FOXO3B: variants seen among roughly 807,000 people sequenced by gnomAD.
FOXO3B encodes the protein forkhead box protein O3B.
In FOXO3B, 15 loss-of-function variants were observed where a neutral mutation model predicts 21.9. The observed-to-expected ratio is 0.68, with a 90% CI of 0.46 to 1.05. The LOEUF (loss-of-function observed/expected upper bound fraction) is 1.05, where lower values mean the gene tolerates loss of function less well. FOXO3B is among the 50% of genes least tolerant of loss of function. The pLI is 0.00. For missense variants in FOXO3B, 293 were observed against 435.5 expected, an observed-to-expected ratio of 0.67 and a Z score of 2.91; for synonymous variants, 135 against 213.6, an observed-to-expected ratio of 0.63 and a Z score of 3.21.
intron 3 of FOXO3B, 48 bp from the exon 4 acceptor site, chr17:18,673,103 C>G: frequency 6.9e-7 from 1 of 1,451,670 alleles, no homozygotes; most frequent in South Asian, 1.3e-5. Context: ...TATCCCCGGC[C>G]GGAGCCCCGT....
chr17:18,678,296 C>T (rs1185345301), intron 3 of FOXO3B, among the ~76,000 whole-genome samples: 1 of 152,104 alleles, frequency 6.6e-6, no homozygotes, highest in Non-Finnish European at 1.5e-5. Flanking sequence ...ACAGAATAGG[C>T]CATCAAAACA....
rs1220210577 is a variant in FOXO3B at position 18,670,591 on chromosome 17, G to A, written c.*1718C>T. 1.3e-5 allele frequency among the ~76,000 whole-genome samples: 2 copies of A among 152,170 alleles called. No homozygotes were observed. The highest frequency in any genetic ancestry group is 4.8e-5 in the African/African-American group (2 of 41,432). On this transcript the variant is annotated 3_prime_UTR_variant, in exon 4 of 4. Coordinates refer to ENST00000395675, the MANE Select transcript of FOXO3B (RefSeq NM_001368135.1). ...CACAGAATGGCCGAAGAGGGCTCAC[G>A]GTGTGCTCTGAACGAGGGTGGGTGG... is the stretch of plus-strand genomic sequence containing the variant.
rs1239054317 is a variant in FOXO3B at position 18,671,080 on chromosome 17, ACATGTC to A, written c.*1223_*1228del. 3.1e-6 allele frequency: 3 copies of A among 974,540 alleles called. No individual in the cohort carries two copies. The African/African-American group carries it at 4.9e-5, about 16-fold the overall frequency. The allele number at this position is 974,540 out of a possible 1,614,324, so 60.4% of individuals were successfully genotyped here. ...ATGTCACATTCCAAGCTCCCATTGA[ACATGTC>A]CAGGTCCAAGTCGCTGGGGAACTTC... On this transcript the variant is annotated 3_prime_UTR_variant, in exon 4 of 4. Transcript: ENST00000395675.
Position 18,668,458 on chromosome 17 carries a change from A to G in FOXO3B, c.*3851T>C, listed in dbSNP as rs916790084. ...TAAGACATTCTGCCTGAAATTCAAC[A>G]AACGCTAGAAAAGGAGAATAAATGA... is the stretch of plus-strand genomic sequence containing the variant. On this transcript the variant is annotated 3_prime_UTR_variant, in exon 4 of 4. Coordinates refer to ENST00000395675, the MANE Select transcript of FOXO3B (RefSeq NM_001368135.1). 1 of 152,636 alleles carries G rather than the reference A, an allele frequency of 6.6e-6. No individual in the cohort carries two copies. The highest frequency in any genetic ancestry group is 1.5e-5 in the Non-Finnish European group (1 of 68,038). 9.5% of individuals were successfully genotyped at this position (152,636 alleles called of 1,614,324 possible).
Position 18,671,459 on chromosome 17 carries a change from C to T in FOXO3B, c.*850G>A, listed in dbSNP as rs1418340731. 2.5e-6 allele frequency: 4 copies of T among 1,571,258 alleles called. No homozygotes were observed. The African/African-American group carries it at 4.1e-5, about 16-fold the overall frequency. On this transcript the variant is annotated 3_prime_UTR_variant, in exon 4 of 4. Coordinates refer to ENST00000395675, the MANE Select transcript of FOXO3B (RefSeq NM_001368135.1). ...TGCTGGCCTGAGACATCAAGGGGTC[C>T]GACTGTGTCATCATGACATCGCTGT...
At chr17:18,681,121 G>A (rs1307936440) in intron 2 of FOXO3B, among the ~76,000 whole-genome samples, 5 of 151,780 alleles carry the variant, frequency 3.3e-5, no homozygotes, top group Admixed American at 3.3e-4. Flanking sequence ...ATACTCGTTG[G>A]TTCTCACTCT....
Position 18,669,455 on chromosome 17 carries a change from G to A in FOXO3B, c.*2854C>T, listed in dbSNP as rs1567888919. The A allele has an allele frequency of 6.6e-6, 1 of 152,458 alleles. No homozygotes were observed. The highest frequency in any genetic ancestry group is 2.4e-5 in the African/African-American group (1 of 41,284). 9.4% of individuals were successfully genotyped at this position (152,458 alleles called of 1,614,324 possible). A position where few individuals can be genotyped will look rare whatever the true frequency, so the allele number is the denominator to read the frequency against. Reference sequence around the variant, plus strand: ...AGTCTTCATATATCACTTTGGAGAAGTATGCATATGCTGTGCTAATCAGAG... The same window carrying A: ...AGTCTTCATATATCACTTTGGAGAAATATGCATATGCTGTGCTAATCAGAG... On this transcript the variant is annotated 3_prime_UTR_variant, in exon 4 of 4. Coordinates refer to ENST00000395675, the MANE Select transcript of FOXO3B (RefSeq NM_001368135.1).
intron 3 of FOXO3B, among the ~76,000 whole-genome samples, 199 bp from the exon 4 acceptor site, chr17:18,673,254 A>G (rs1264084393): frequency 1.3e-5 from 2 of 152,220 alleles, no homozygotes; most frequent in Non-Finnish European, 2.9e-5. Flanking sequence ...CTGTGCTAAC[A>G]CATGACATGT....
At position 18,672,827 on chromosome 17, in the gene FOXO3B, G is replaced by T. The variant is rs903367851; in HGVS notation, c.355C>A (p.Pro119Thr). Residue 119 changes from proline (P) to threonine (T), a missense_variant, in exon 4 of 4, where the codon CCC becomes ACC. Coordinates refer to ENST00000395675, the MANE Select transcript of FOXO3B (RefSeq NM_001368135.1). This position sits in a 1 kb window ranked among gnomAD's most constrained non-coding sequence, Gnocchi z 4.2. ...PQSRPRSCTW[P>T]LQRPELQASP... is the part of the protein sequence containing the mutation. The stretch of plus-strand genomic sequence containing the variant: ...GCTTGGAGCTCCGGCCTTTGCAGGG[G>T]CCACGTACAGGATCGCGGACGGCTC... 3.2e-6 allele frequency: 5 copies of T among 1,560,124 alleles called. No homozygotes were observed. In the African/African-American group the frequency reaches 5.5e-5, roughly 17 times the overall value.
At chr17:18,677,600 C>A (rs986473754) in intron 3 of FOXO3B, 1 of 1,605,278 alleles carries the variant, frequency 6.2e-7, no homozygotes, top group African/African-American at 1.4e-5. Flanking sequence ...CCGGGCGGGC[C>A]CTGGCCAGTG....
Position 18,672,915 on chromosome 17 carries a change from T to C in FOXO3B, c.267A>G (p.Ala89=). 1 of 1,545,908 alleles carries C rather than the reference T, an allele frequency of 6.5e-7. No individual in the cohort carries two copies. Among genetic ancestry groups the C allele is most frequent in the Non-Finnish European group, 8.7e-7 (1 of 1,147,142 alleles). ...GAGAAAGCGGGGCCGGGGAAGCCGG[T>C]GCCTCTGCCATCTTCGCCGCCCGCC... is the stretch of plus-strand genomic sequence containing the variant. The part of the protein sequence containing the change: ...AAGRAAKMAE[A]PASPAPLSPL... The change falls in exon 4 of 4, where the codon GCA becomes GCG. Residue 89 remains alanine (A), a synonymous_variant. Coordinates refer to ENST00000395675, the MANE Select transcript of FOXO3B (RefSeq NM_001368135.1). This position sits in a 1 kb window ranked among gnomAD's most constrained non-coding sequence, Gnocchi z 4.2.
At chr17:18,675,136 G>A (rs1255847059) in intron 3 of FOXO3B, among the ~76,000 whole-genome samples, 1 of 150,240 alleles carries the variant, frequency 6.7e-6, no homozygotes, top group African/African-American at 2.5e-5. Context: ...TACACTCAGA[G>A]AAGTAAGAAG....
intron 3 of FOXO3B, chr17:18,677,366 C>A: frequency 6.2e-7 from 1 of 1,613,144 alleles, no homozygotes; most frequent in Non-Finnish European, 8.5e-7. Context: ...GCGCCAATGG[C>A]GAGATGTGCG....
chr17:18,674,322 CAG>C (rs2032437662), intron 3 of FOXO3B, among the ~76,000 whole-genome samples: 1 of 151,608 alleles, frequency 6.6e-6, no homozygotes, highest in Non-Finnish European at 1.5e-5. Flanking sequence ...TAGTTATACA[CAG>C]TTAAAAATAG....
In FOXO3B at chr17:18,669,395, A is replaced by T. The variant is rs1259199061; in HGVS notation, c.*2914T>A. ...TGTACATAATAAAATATATTTATAC[A>T]TTTATACGCCTAATGCTTTTTATGC... On this transcript the variant is annotated 3_prime_UTR_variant, in exon 4 of 4. Coordinates refer to ENST00000395675, the MANE Select transcript of FOXO3B (RefSeq NM_001368135.1). The T allele has an allele frequency of 6.7e-6, 1 of 149,644 alleles. No homozygotes were observed. The highest frequency in any genetic ancestry group is 1.9e-4 in the East Asian group (1 of 5,178). 9.3% of individuals were successfully genotyped at this position (149,644 alleles called of 1,614,324 possible). A position where few individuals can be genotyped will look rare whatever the true frequency, so the allele number is the denominator to read the frequency against.
At chr17:18,680,489 T>A (rs1204070890) in intron 3 of FOXO3B, among the ~76,000 whole-genome samples, 2 of 151,760 alleles carry the variant, frequency 1.3e-5, no homozygotes, top group African/African-American at 4.9e-5. Context: ...CATAGGAGGC[T>A]AAGAAAGGGA....
chr17:18,671,316 T>C lies in FOXO3B; in HGVS notation c.*993A>G. The C allele has an allele frequency of 6.8e-6, 11 of 1,613,190 alleles. No individual in the cohort carries two copies. The highest frequency in any genetic ancestry group is 9.3e-6 in the Non-Finnish European group (11 of 1,179,640). ...ACCAAGAGCGCCCTGGGTTTGGTGC[T>C]GGTGGTGGAGCAAGTTCTGATTGAC... On this transcript the variant is annotated 3_prime_UTR_variant, in exon 4 of 4. Transcript: ENST00000395675.
chr17:18,677,726 G>C (rs2032518245), intron 3 of FOXO3B: 3 of 1,592,498 alleles, frequency 1.9e-6, no homozygotes, highest in Middle Eastern at 2.3e-4. Context: ...CCAAGAAAAA[G>C]ACGGACAAGA....
intron 3 of FOXO3B, chr17:18,677,764 C>T (rs2032519508): frequency 5.4e-6 from 8 of 1,484,616 alleles, no homozygotes; most frequent in Non-Finnish European, 7.4e-6. Context: ...CTGTAGTGGG[C>T]TCTCTTCCTC....
Sources: allele counts gnomAD v4.1 joint callset (sites outside exome capture counted in the v4.1 genomes callset), GRCh38; gene constraint gnomAD v4.1.1; non-coding constraint Gnocchi (gnomAD v3.1); transcripts MANE v1.5; gene names NCBI Gene and HGNC (gene_info 2026-07-23, HGNC 2026-07-21).